The following RBFOX1 variants were observed in gnomAD, a reference collection of about 807,000 sequenced individuals.
The protein encoded by RBFOX1 is RNA binding protein fox-1 homolog 1.
A neutral mutation model predicts 57.7 loss-of-function variants in RBFOX1; 8 were observed. That is an observed-to-expected ratio of 0.14 (90% CI 0.08 to 0.25). The LOEUF (loss-of-function observed/expected upper bound fraction) is 0.25, where lower values mean the gene tolerates loss of function less well. Among genes scored for constraint, RBFOX1 ranks in the 10% least tolerant of loss-of-function variants. The pLI, the probability that RBFOX1 is intolerant of heterozygous loss-of-function variation, is 1.00. For missense variants in RBFOX1, 611 were observed against 548.5 expected (o/e 1.11, Z -1.14); for synonymous variants, 326 against 222.4 (o/e 1.47, Z -4.15).
At chr16:7,183,588 T>G (rs985209829) in intron 4 of RBFOX1, among the ~76,000 whole-genome samples, 1 of 152,226 alleles carries the variant, frequency 6.6e-6, no homozygotes, top group African/African-American at 2.4e-5. Flanking sequence ...GTGTGTATTT[T>G]TTTTCCAGGC....
chr16:5,320,872 C>G (rs937848701), intron 1 of RBFOX1, among the ~76,000 whole-genome samples: 4 of 152,182 alleles, frequency 2.6e-5, no homozygotes, highest in Non-Finnish European at 5.9e-5. Context: ...GCAGCTGAAC[C>G]CACCATTACA....
intron 3 of RBFOX1, among the ~76,000 whole-genome samples, chr16:6,868,205 C>T (rs1346977648): frequency 6.6e-6 from 1 of 152,004 alleles, no homozygotes; most frequent in African/African-American, 2.4e-5. Context: ...GTTACAGCCT[C>T]CAAGTCATTT....
chr16:5,966,261 C>T (rs1037671887), intron 4 of RBFOX1, among the ~76,000 whole-genome samples: 7 of 152,162 alleles, frequency 4.6e-5, no homozygotes, highest in Non-Finnish European at 8.8e-5. Context: ...TAAAGAAATA[C>T]CTGAGACTGG....
intron 3 of RBFOX1, among the ~76,000 whole-genome samples, chr16:5,694,200 TG>T (rs1162462026): frequency 6.6e-6 from 1 of 152,200 alleles, no homozygotes; most frequent in Admixed American, 6.5e-5. Flanking sequence ...ACAGCCTAAC[TG>T]GGGTATGTGT....
At chr16:6,517,076 G>A (rs1326144594) in intron 2 of RBFOX1, among the ~76,000 whole-genome samples, 1 of 152,130 alleles carries the variant, frequency 6.6e-6, no homozygotes, top group Non-Finnish European at 1.5e-5. Context: ...GAGGTGGAAG[G>A]CATGTCCAAG....
intron 2 of RBFOX1, among the ~76,000 whole-genome samples, chr16:6,647,783 G>T (rs1168177823): frequency 6.6e-6 from 1 of 152,106 alleles, no homozygotes; most frequent in East Asian, 1.9e-4. Flanking sequence ...TCACTAGGTT[G>T]GAATGCAGTG....
chr16:5,275,086 C>T (rs1202948691), intron 1 of RBFOX1, among the ~76,000 whole-genome samples: 8 of 152,176 alleles, frequency 5.3e-5, no homozygotes, highest in Non-Finnish European at 7.4e-5. Flanking sequence ...TGCCACAATC[C>T]GCCTGTCAAG....
chr16:6,719,489 G>A (rs539716126), intron 3 of RBFOX1, among the ~76,000 whole-genome samples: 4 of 151,438 alleles, frequency 2.6e-5, no homozygotes, highest in Admixed American at 6.6e-5. Context: ...CACCCAGGAT[G>A]GGGTGCAGTG....
At chr16:5,413,964 G>C (rs1166402870) in intron 1 of RBFOX1, among the ~76,000 whole-genome samples, 1 of 152,166 alleles carries the variant, frequency 6.6e-6, no homozygotes, top group Non-Finnish European at 1.5e-5. Flanking sequence ...TTGGTTGCCT[G>C]CTCATCCATT....
At chr16:6,487,309 C>A (rs898610617) in intron 2 of RBFOX1, among the ~76,000 whole-genome samples, 1 of 151,990 alleles carries the variant, frequency 6.6e-6, no homozygotes, top group African/African-American at 2.4e-5. Context: ...TAATATGCTT[C>A]CAATTTTTCC....
intron 1 of RBFOX1, among the ~76,000 whole-genome samples, chr16:5,290,430 T>C (rs1023635590): frequency 6.6e-6 from 1 of 152,154 alleles, no homozygotes; most frequent in African/African-American, 2.4e-5. Flanking sequence ...GGGTTTCTTT[T>C]TGGGGTGATG....
At chr16:6,257,639 A>C (rs1050272857) in intron 1 of RBFOX1, among the ~76,000 whole-genome samples, 20 of 152,068 alleles carry the variant, frequency 1.3e-4, no homozygotes, top group Admixed American at 1.3e-3. Flanking sequence ...GTGTTCTCAT[A>C]ATTCAGTTCC....
chr16:5,908,332 ATGTG>A lies in RBFOX1; in HGVS notation c.351+41015_351+41018del, dbSNP rs879393323. On this transcript the variant is annotated intron_variant, in intron 4 of 19. Transcript: ENST00000641259. ...CATATATACACACACACATATATATATGTGTGTGTGTGTGTGTGTGTCTGTGTGT... is the reference window on the plus strand; with the variant it reads ...CATATATACACACACACATATATATATGTGTGTGTGTGTGTGTCTGTGTGT... Among the ~76,000 whole-genome samples, 251 of 137,484 alleles carry A rather than the reference ATGTG, an allele frequency of 1.8e-3. 1 individual carries two copies. Among genetic ancestry groups the A allele is most frequent in the Middle Eastern group, 4.1e-3 (1 of 242 alleles). The allele number at this position is 137,484 out of a possible 152,430, so 90.2% of individuals were successfully genotyped here.
At chr16:6,525,316 G>C (rs1018456067) in intron 2 of RBFOX1, among the ~76,000 whole-genome samples, 1 of 152,220 alleles carries the variant, frequency 6.6e-6, no homozygotes, top group East Asian at 1.9e-4. Context: ...TGATGTTAGA[G>C]TTTGGAGAAG....
At chr16:6,782,527 C>T (rs182689480) in intron 3 of RBFOX1, among the ~76,000 whole-genome samples, 5 of 151,830 alleles carry the variant, frequency 3.3e-5, no homozygotes, top group East Asian at 1.9e-4. Flanking sequence ...TTTTATGTCC[C>T]GGGATTTTTA....
chr16:6,927,493 C>A (rs2075814274), intron 3 of RBFOX1, among the ~76,000 whole-genome samples: 1 of 146,704 alleles, frequency 6.8e-6, no homozygotes, highest in Non-Finnish European at 1.5e-5. Flanking sequence ...TGTTTCCTCT[C>A]TTTCTTTCCA....
intron 13 of RBFOX1, among the ~76,000 whole-genome samples, chr16:7,674,204 G>C (rs989618308): frequency 6.6e-6 from 1 of 152,160 alleles, no homozygotes; most frequent in Non-Finnish European, 1.5e-5. Flanking sequence ...AGATAGAGGA[G>C]AGATAAAACC....
At chr16:7,276,191 A>G (rs1481835828) in intron 4 of RBFOX1, among the ~76,000 whole-genome samples, 1 of 152,224 alleles carries the variant, frequency 6.6e-6, no homozygotes, top group African/African-American at 2.4e-5. Context: ...GTCTGAAGTG[A>G]AGCTGCAGAG....
At chr16:6,059,002 T>C (rs980500753) in intron 1 of RBFOX1, among the ~76,000 whole-genome samples, 2 of 152,144 alleles carry the variant, frequency 1.3e-5, no homozygotes, top group Non-Finnish European at 2.9e-5. Context: ...CCAAGAAAAA[T>C]GAATGTGAAA....
Sources: gnomAD v4.1 joint callset for allele counts (sites outside exome capture counted in the v4.1 genomes callset) on GRCh38, gnomAD v4.1.1 for gene constraint, MANE v1.5 for transcripts, NCBI Gene and HGNC (gene_info 2026-07-23, HGNC 2026-07-21) for gene names.